The following ABCA9 variants were observed in gnomAD, a reference collection of about 807,000 sequenced individuals.
ABCA9 encodes the protein ATP-binding cassette sub-family A member 9.
ABCA9 carries 183 observed loss-of-function variants against 205.3 expected under a neutral mutation model. The ratio of observed to expected loss-of-function variants is 0.89; its 90% confidence interval spans 0.79 to 1.01. ABCA9 has a LOEUF of 1.01. Ranked by LOEUF, ABCA9 falls within the 50% of genes least tolerant of loss-of-function variation. ABCA9 has a pLI of 0.00. For missense variants in ABCA9, 1,805 were observed against 1,912.4 expected, an observed-to-expected ratio of 0.94 and a Z score of 1.05; for synonymous variants, 651 against 683.3, an observed-to-expected ratio of 0.95 and a Z score of 0.74.
chr17:68,993,178 C>G (rs761286974), intron 26 of ABCA9, 94 bp from the exon 27 acceptor site: 39 of 1,018,726 alleles, frequency 3.8e-5, no homozygotes, highest in Middle Eastern at 2.1e-4. Context: ...TATTCAATGG[C>G]CTTACAACCA....
intron 6 of ABCA9, chr17:69,042,315 A>C (rs2144444254): frequency 6.6e-6 from 1 of 152,320 alleles, no homozygotes; most frequent in Admixed American, 6.5e-5. Flanking sequence ...TGAGAGGTGC[A>C]TATTATTATC....
At position 69,018,065 on chromosome 17, in the gene ABCA9, GTCTA is replaced by G. The variant is rs200788755; in HGVS notation, c.2768-280_2768-277del. 8.8e-5 allele frequency: 35 copies of G among 396,424 alleles called. 1 individual carries two copies. Among genetic ancestry groups the G allele is most frequent in the East Asian group, 3.4e-4 (8 of 23,420 alleles). 24.6% of individuals were successfully genotyped at this position (396,424 alleles called of 1,614,324 possible). A position where few individuals can be genotyped will look rare whatever the true frequency, so the allele number is the denominator to read the frequency against. ...ATTATAATCCTTGAAGCTATTAATA[GTCTA>G]TCTATCTTTTTAAATTTGAAACATT... On this transcript the variant is annotated intron_variant, in intron 20 of 38. Coordinates refer to ENST00000340001, the MANE Select transcript of ABCA9 (RefSeq NM_080283.4).
chr17:68,982,060 TAA>T (rs1308356778), intron 37 of ABCA9, among the ~76,000 whole-genome samples: 1 of 152,142 alleles, frequency 6.6e-6, no homozygotes, highest in Non-Finnish European at 1.5e-5. Context: ...TTAACACACC[TAA>T]ACAGAGACAG....
chr17:68,983,404 T>C (rs2069125652), intron 36 of ABCA9, among the ~76,000 whole-genome samples: 2 of 152,188 alleles, frequency 1.3e-5, no homozygotes, highest in South Asian at 4.1e-4. Context: ...TTTCCTTTAA[T>C]GAGGGATGGT....
chr17:69,016,160 T>C lies in ABCA9; in HGVS notation c.3039+93A>G. ...CACACACACAAGTTTAAGAATAGAT[T>C]CACAAAAAGTAATATAACATTATTT... On this transcript the variant is annotated intron_variant, in intron 22 of 38. Transcript: ENST00000340001. 6.9e-6 allele frequency: 6 copies of C among 874,626 alleles called. No individual in the cohort carries two copies. In the South Asian group the frequency reaches 1.7e-4, roughly 24 times the overall value. 54.2% of individuals were successfully genotyped at this position (874,626 alleles called of 1,614,324 possible).
chr17:69,020,469 G>A lies in ABCA9; in HGVS notation c.2519C>T (p.Ala840Val), dbSNP rs547831027. The A allele has an allele frequency of 5.9e-5, 96 of 1,613,974 alleles. No individual in the cohort carries two copies. Among genetic ancestry groups the A allele is most frequent in the South Asian group, 2.0e-4 (18 of 91,080 alleles). ...HETRKTISGV[A>V]LWRQQVCAIA... ...TGCACAGACCTGCTGCCTCCAGAGCGCCACGCCACTGATTGTTTTCCTTGT... is the reference window on the plus strand; with the variant it reads ...TGCACAGACCTGCTGCCTCCAGAGCACCACGCCACTGATTGTTTTCCTTGT... Residue 840 changes from alanine to valine, a missense_variant, in exon 19 of 39, where the codon GCG (alanine) becomes GTG (valine). Ala to Val is a moderately conservative substitution (Grantham distance 64). Transcript: ENST00000340001.
chr17:68,983,450 G>GTGCA (rs1053361138), intron 36 of ABCA9, among the ~76,000 whole-genome samples: 1 of 152,126 alleles, frequency 6.6e-6, no homozygotes. Context: ...GATGACCTAA[G>GTGCA]TGCATGCATG....
At position 69,051,292 on chromosome 17, in the gene ABCA9, GA is replaced by G. The variant is rs200840797; in HGVS notation, c.-13-154del. Among the ~76,000 whole-genome samples, 31 of 152,258 alleles carry G rather than the reference GA, an allele frequency of 2.0e-4. No homozygotes were observed. In the East Asian group the frequency reaches 5.4e-3, roughly 27 times the overall value. Reference sequence around the variant, plus strand: ...AAAGGCTAAAATAAAAACATGTGAGGAAATGTTTAAACTCAATATTGAAAGA... The same window carrying G: ...AAAGGCTAAAATAAAAACATGTGAGGAATGTTTAAACTCAATATTGAAAGA... On this transcript the variant is annotated intron_variant, in intron 1 of 38. Transcript: ENST00000340001.
chr17:68,989,628 T>C (rs944644685), intron 30 of ABCA9, among the ~76,000 whole-genome samples, 185 bp downstream of exon 30: 1 of 152,200 alleles, frequency 6.6e-6, no homozygotes, highest in Non-Finnish European at 1.5e-5. Flanking sequence ...AGAACAGACA[T>C]AACTGTCTTC....
intron 15 of ABCA9, 141 bp downstream of exon 15, chr17:69,026,835 G>T: frequency 1.0e-6 from 1 of 985,096 alleles, no homozygotes; most frequent in Non-Finnish European, 1.5e-6. Flanking sequence ...CTGGCATGCA[G>T]ACCCACAAAT....
intron 20 of ABCA9, 168 bp from the exon 21 acceptor site, chr17:69,017,957 T>C (rs2070681897): frequency 1.6e-6 from 1 of 616,446 alleles, no homozygotes; most frequent in Non-Finnish European, 2.7e-6. Context: ...TCTAACATCA[T>C]AGGTATGACA....
intron 16 of ABCA9, among the ~76,000 whole-genome samples, chr17:69,025,964 A>T (rs1336157954): frequency 1.3e-5 from 2 of 152,142 alleles, no homozygotes; most frequent in Non-Finnish European, 2.9e-5. Context: ...CTCAGTAATG[A>T]TAATAATTAT....
chr17:69,035,928 T>C, intron 6 of ABCA9, 127 bp from the exon 7 acceptor site: 1 of 1,129,304 alleles, frequency 8.9e-7, no homozygotes, highest in South Asian at 2.0e-5. Context: ...ATGCAATAGC[T>C]AACTTATCTC....
At chr17:68,993,918 C>T (rs1323034264) in intron 26 of ABCA9, among the ~76,000 whole-genome samples, 4 of 152,110 alleles carry the variant, frequency 2.6e-5, no homozygotes, top group African/African-American at 9.7e-5. Flanking sequence ...TTCTGTTGCC[C>T]AGGCTGGAGT....
At chr17:68,979,405 A>C (rs1280578511) in intron 37 of ABCA9, among the ~76,000 whole-genome samples, 1 of 152,192 alleles carries the variant, frequency 6.6e-6, no homozygotes, top group Non-Finnish European at 1.5e-5. Context: ...GCTACCAATG[A>C]CTTTCTTCAC....
chr17:68,976,177 G>A lies in ABCA9; in HGVS notation c.4734C>T (p.Phe1578=), dbSNP rs764557816. ...FFKLEIVKQS[F]DLEEYSLSQS... ...GTGAGAGGCTGTACTCCTCCAGGTCGAAACTCTGTTTAACTGCATAAGAAT... is the reference window on the plus strand; with the variant it reads ...GTGAGAGGCTGTACTCCTCCAGGTCAAAACTCTGTTTAACTGCATAAGAAT... The change falls in exon 38 of 39, where the codon TTC becomes TTT. Residue 1578 remains phenylalanine (F), a synonymous_variant. Transcript: ENST00000340001. 32 of 1,613,674 alleles carry A rather than the reference G, an allele frequency of 2.0e-5. No individual in the cohort carries two copies. Among genetic ancestry groups the A allele is most frequent in the African/African-American group, 1.7e-4 (13 of 74,840 alleles).
rs369471537 is a variant in ABCA9, at chr17:68,976,223, A to ATT, written c.4721-35_4721-34dup. On this transcript the variant is annotated intron_variant, in intron 37 of 38. Coordinates refer to ENST00000340001, the MANE Select transcript of ABCA9 (RefSeq NM_080283.4). ...AGAATGAGCATACATTAGGAATTCT[A>ATT]TTTTTTTTTTCAGTGAGTTTTACCA... 15,222 of 1,459,166 alleles carry ATT rather than the reference A, an allele frequency of 0.01. 855 individuals carry two copies. In the African/African-American group the frequency reaches 0.18, roughly 17 times the overall value. 90.4% of individuals were successfully genotyped at this position (1,459,166 alleles called of 1,614,324 possible).
chr17:68,993,131 T>C (rs1267010015), intron 26 of ABCA9, 47 bp from the exon 27 acceptor site: 1 of 1,494,348 alleles, frequency 6.7e-7, no homozygotes, highest in Non-Finnish European at 9.3e-7. Context: ...TCTTTATTTA[T>C]TCATGGAATT....
chr17:69,052,430 T>C lies in ABCA9; in HGVS notation c.-13-1291A>G, dbSNP rs189024763. 2.0e-5 allele frequency among the ~76,000 whole-genome samples: 3 copies of C among 151,726 alleles called. No homozygotes were observed. The East Asian group carries it at 5.8e-4, about 29-fold the overall frequency. On this transcript the variant is annotated intron_variant, in intron 1 of 38. Coordinates refer to ENST00000340001, the MANE Select transcript of ABCA9 (RefSeq NM_080283.4). Reference sequence around the variant, plus strand: ...CTAGAAGGTAAAAAAGAAAAAACAGTATAAGGAGAGAAAGTATCAGAATCA... The same window carrying C: ...CTAGAAGGTAAAAAAGAAAAAACAGCATAAGGAGAGAAAGTATCAGAATCA...
Sources: allele counts gnomAD v4.1 joint callset (sites outside exome capture counted in the v4.1 genomes callset), GRCh38; gene constraint gnomAD v4.1.1; transcripts MANE v1.5; gene names NCBI Gene and HGNC (gene_info 2026-07-23, HGNC 2026-07-21).